CASP5: variants seen among roughly 807,000 people sequenced by gnomAD.
CASP5 encodes caspase-5.
CASP5 carries 42 observed loss-of-function variants against 45.2 expected under a neutral mutation model. The ratio of observed to expected loss-of-function variants is 0.93; its 90% CI spans 0.73 to 1.20. The LOEUF (loss-of-function observed/expected upper bound fraction) is 1.20, where lower values mean the gene tolerates loss of function less well. CASP5 is among the 50% of genes most tolerant of loss of function. CASP5 has a pLI of 0.00. For synonymous variants in CASP5, 209 were observed against 186.2 expected, an observed-to-expected ratio of 1.12 and a Z score of -1.00; for missense variants, 512 against 532.2, an observed-to-expected ratio of 0.96 and a Z score of 0.37.
rs182629073 is a variant in CASP5 at position 105,016,466 on chromosome 11, C to T, written c.7+6664G>A. Among the ~76,000 whole-genome samples, 39 of 152,234 alleles carry T rather than the reference C, an allele frequency of 2.6e-4. No homozygotes were observed. In the East Asian group the frequency reaches 6.6e-3, roughly 26 times the overall value. ...GTGGGTGCGTGCACCGTGTGCAAGC[C>T]GAAGCAGGGCGAGGCATTGCCTCAC... On this transcript the variant is annotated intron_variant, in intron 1 of 9. Transcript: ENST00000260315.
chr11:104,995,796 G>A lies in CASP5; in HGVS notation c.1253C>T (p.Thr418Ile). Residue 418 changes from threonine to isoleucine, a missense_variant, in exon 9 of 10, where the codon ACC becomes ATC. Thr to Ile is a moderately conservative substitution (Grantham distance 89). Transcript: ENST00000260315. ...EVPQAKAQMPTIERATLTRDF... is the reference protein window; with the variant it reads ...EVPQAKAQMPIIERATLTRDF... ...TCTTGTCAAGGTTGCTCGTTCTATGGTGGGCATCTGGGCTTTAGCCTGTGG... is the reference window on the plus strand; with the variant it reads ...TCTTGTCAAGGTTGCTCGTTCTATGATGGGCATCTGGGCTTTAGCCTGTGG... 6.2e-7 allele frequency: 1 copy of A among 1,612,628 alleles called. No individual in the cohort carries two copies. Among genetic ancestry groups the A allele is most frequent in the South Asian group, 1.1e-5 (1 of 90,922 alleles).
intron 1 of CASP5, among the ~76,000 whole-genome samples, chr11:105,019,955 A>C (rs1247388725): frequency 6.9e-6 from 1 of 145,694 alleles, no homozygotes; most frequent in Non-Finnish European, 1.5e-5. Flanking sequence ...AAGCTTATCC[A>C]CCATGATCAA....
At chr11:105,008,411 C>T (rs1227140124) in intron 2 of CASP5, among the ~76,000 whole-genome samples, 1 of 152,010 alleles carries the variant, frequency 6.6e-6, no homozygotes, top group Non-Finnish European at 1.5e-5. Context: ...TAACCTTCCA[C>T]AGTCTTGTGA....
chr11:105,011,706 T>G (rs1011495395), intron 1 of CASP5, among the ~76,000 whole-genome samples: 2 of 151,588 alleles, frequency 1.3e-5, no homozygotes, highest in African/African-American at 4.8e-5. Flanking sequence ...ATAAAAAAAT[T>G]TCATGAAATA....
At chr11:105,001,707 A>C (rs1861735848) in intron 5 of CASP5, among the ~76,000 whole-genome samples, 1 of 151,934 alleles carries the variant, frequency 6.6e-6, no homozygotes, top group Admixed American at 6.6e-5. Flanking sequence ...AAAACACATT[A>C]CTCTGTGATT....
intron 1 of CASP5, among the ~76,000 whole-genome samples, chr11:105,018,034 G>C (rs2134757933): frequency 6.6e-6 from 1 of 151,958 alleles, no homozygotes; most frequent in East Asian, 1.9e-4. Flanking sequence ...TTTCAACCCA[G>C]AATTTCATAT....
At chr11:104,995,157 C>T (rs1203806833) in intron 9 of CASP5, 2 of 152,152 alleles carry the variant, frequency 1.3e-5, no homozygotes, top group African/African-American at 4.8e-5. Flanking sequence ...CCATTTTTTT[C>T]CTTTTCACAC....
chr11:105,006,787 T>G (rs1862017852), intron 3 of CASP5, among the ~76,000 whole-genome samples: 1 of 152,186 alleles, frequency 6.6e-6, no homozygotes, highest in Admixed American at 6.5e-5. Flanking sequence ...TGAAGCTGCA[T>G]AGTTCACATG....
chr11:105,006,632 G>T (rs557029674), intron 3 of CASP5, among the ~76,000 whole-genome samples: 1 of 152,308 alleles, frequency 6.6e-6, no homozygotes, highest in South Asian at 2.1e-4. Context: ...ATGAGAGCTG[G>T]TATCTTGGAA....
chr11:104,999,096 G>A (rs999368692), intron 6 of CASP5, 68 bp from the exon 7 acceptor site: 1 of 1,410,322 alleles, frequency 7.1e-7, no homozygotes, highest in Non-Finnish European at 9.7e-7. Flanking sequence ...TGCAGAACGT[G>A]TAGGTTTGTT....
At chr11:105,022,583 G>A (rs78428546) in intron 1 of CASP5, among the ~76,000 whole-genome samples, 2,314 of 152,208 alleles carry the variant, frequency 0.015, 49 homozygotes, top group African/African-American at 0.051. Context: ...TGGGAAGACA[G>A]TTAAAAGTCT....
rs1316698282 is a variant in CASP5, at chr11:105,003,193, C to T, written c.543+81G>A. On this transcript the variant is annotated intron_variant, in intron 4 of 9. Coordinates refer to ENST00000260315, the MANE Select transcript of CASP5 (RefSeq NM_004347.5). Reference sequence around the variant, plus strand: ...CCAGGCTGGGCAACAGAGCAAGACCCCATTTTTAAAAATGTGCATTGCATT... The same window carrying T: ...CCAGGCTGGGCAACAGAGCAAGACCTCATTTTTAAAAATGTGCATTGCATT... 5 of 897,988 alleles carry T rather than the reference C, an allele frequency of 5.6e-6. No homozygotes were observed. The East Asian group carries it at 1.2e-4, about 22-fold the overall frequency. 55.6% of individuals were successfully genotyped at this position (897,988 alleles called of 1,614,324 possible).
chr11:105,015,135 GA>G (rs143566769), intron 1 of CASP5, among the ~76,000 whole-genome samples: 3,963 of 152,292 alleles, frequency 0.026, 170 homozygotes, highest in African/African-American at 0.088. Context: ...TTTGTTTGCA[GA>G]AAATTGACAG....
At chr11:104,999,583 T>C (rs987987372) in intron 6 of CASP5, among the ~76,000 whole-genome samples, 2 of 152,160 alleles carry the variant, frequency 1.3e-5, no homozygotes, top group Non-Finnish European at 1.5e-5. Flanking sequence ...ATTTCATACA[T>C]ACATACAGAC....
Position 105,006,256 on chromosome 11 carries a change from G to A in CASP5, c.433+827C>T, listed in dbSNP as rs1300741103. Among the ~76,000 whole-genome samples the A allele has an allele frequency of 3.3e-5, 5 of 152,304 alleles. No individual in the cohort carries two copies. The East Asian group carries it at 9.6e-4, about 29-fold the overall frequency. On this transcript the variant is annotated intron_variant, in intron 3 of 9. Coordinates refer to ENST00000260315, the MANE Select transcript of CASP5 (RefSeq NM_004347.5). ...TTTTGTAACTCACAGAAATGAGTAAGCATTGGAAAATTCCAATTTGTAGCG... is the reference window on the plus strand; with the variant it reads ...TTTTGTAACTCACAGAAATGAGTAAACATTGGAAAATTCCAATTTGTAGCG...
At chr11:104,996,904 T>C (rs45506494) in intron 8 of CASP5, among the ~76,000 whole-genome samples, 1,882 of 152,252 alleles carry the variant, frequency 0.012, 42 homozygotes, top group African/African-American at 0.042. Context: ...TTTTATTCCC[T>C]GTTACATGCC....
intron 1 of CASP5, among the ~76,000 whole-genome samples, chr11:105,011,751 T>C (rs1862360265): frequency 6.6e-6 from 1 of 151,728 alleles, no homozygotes; most frequent in Admixed American, 6.6e-5. Flanking sequence ...GTTAAAGATG[T>C]ATATACTCAT....
At chr11:105,018,466 CA>C (rs1862754721) in intron 1 of CASP5, among the ~76,000 whole-genome samples, 1 of 151,708 alleles carries the variant, frequency 6.6e-6, no homozygotes, top group East Asian at 1.9e-4. Flanking sequence ...GAAGATCTGC[CA>C]AGCAAATGGA....
At chr11:105,006,385 A>G (rs888267319) in intron 3 of CASP5, among the ~76,000 whole-genome samples, 2 of 152,170 alleles carry the variant, frequency 1.3e-5, no homozygotes, top group Admixed American at 1.3e-4. Flanking sequence ...GATCTCCATT[A>G]ATTACTCTTA....
Sources: gnomAD v4.1 joint callset for allele counts (sites outside exome capture counted in the v4.1 genomes callset) on GRCh38, gnomAD v4.1.1 for gene constraint, MANE v1.5 for transcripts, NCBI Gene and HGNC (gene_info 2026-07-23, HGNC 2026-07-21) for gene names.